The following RAB6A variants were observed in gnomAD, a reference collection of about 807,000 sequenced individuals.
RAB6A encodes RAB6A, member RAS oncogene family, also known as ras-related protein Rab-6A.
RAB6A carries 8 observed loss-of-function variants against 32.3 expected under a neutral mutation model. The observed-to-expected ratio is 0.25, with a 90% CI of 0.15 to 0.45. The LOEUF is 0.45. Ranked by LOEUF, RAB6A falls within the 20% of genes least tolerant of loss-of-function variation. RAB6A has a pLI of 1.00. For synonymous variants in RAB6A, 73 were observed against 82.1 expected (o/e 0.89, Z 0.60); for missense variants, 104 against 249.4 (o/e 0.42, Z 3.93).
At chr11:73,713,520 A>T (rs1023242137) in intron 5 of RAB6A, among the ~76,000 whole-genome samples, 1 of 151,220 alleles carries the variant, frequency 6.6e-6, no homozygotes, top group Non-Finnish European at 1.5e-5. Flanking sequence ...GTGAGCCAAG[A>T]TTGCGCCACT....
At chr11:73,712,706 C>A (rs534245801) in intron 5 of RAB6A, among the ~76,000 whole-genome samples, 1 of 147,592 alleles carries the variant, frequency 6.8e-6, no homozygotes, top group African/African-American at 2.5e-5. Context: ...GCAGCAAGAC[C>A]ACATTGCTTT....
intron 3 of RAB6A, among the ~76,000 whole-genome samples, chr11:73,719,458 G>A (rs529935595): frequency 3.3e-5 from 5 of 152,280 alleles, no homozygotes; most frequent in South Asian, 4.1e-4. Context: ...ACGCATGCAC[G>A]CGTGTGTGTG....
chr11:73,726,581 CAAA>C (rs60281561), intron 2 of RAB6A, among the ~76,000 whole-genome samples: 10 of 29,856 alleles, frequency 3.3e-4, no homozygotes, highest in Admixed American at 6.7e-4. Flanking sequence ...GACTCTGTCT[CAAA>C]AAAAAAAAAA....
chr11:73,742,343 G>GC (rs1946510627), intron 1 of RAB6A, among the ~76,000 whole-genome samples: 1 of 152,124 alleles, frequency 6.6e-6, no homozygotes, highest in Non-Finnish European at 1.5e-5. Flanking sequence ...GGCTATGGCT[G>GC]CCCAGCCTTG....
chr11:73,724,906 C>T (rs1946193847), intron 2 of RAB6A, among the ~76,000 whole-genome samples: 1 of 152,140 alleles, frequency 6.6e-6, no homozygotes, highest in African/African-American at 2.4e-5. Context: ...GATTTGTTCA[C>T]TGCAGTATGC....
chr11:73,687,748 TTGGGAGGATGAG>T (rs1328044206), intron 6 of RAB6A, among the ~76,000 whole-genome samples: 7 of 152,024 alleles, frequency 4.6e-5, no homozygotes, highest in Admixed American at 3.3e-4. Flanking sequence ...TCCCAGCTAC[TTGGGAGGATGAG>T]GCAGGAGAAT....
chr11:73,685,650 G>A (rs1177976481), intron 6 of RAB6A, among the ~76,000 whole-genome samples: 7 of 132,398 alleles, frequency 5.3e-5, no homozygotes, highest in South Asian at 2.4e-4. Flanking sequence ...AGGCCAAGAC[G>A]GGTGGATCAT....
At chr11:73,753,090 A>AT (rs1376379226) in intron 1 of RAB6A, among the ~76,000 whole-genome samples, 2 of 151,896 alleles carry the variant, frequency 1.3e-5, no homozygotes, top group African/African-American at 2.4e-5. Flanking sequence ...TGCTAAAAAA[A>AT]TTTTTTTTAA....
At chr11:73,722,022 TGAA>T (rs1277490962) in intron 2 of RAB6A, among the ~76,000 whole-genome samples, 2 of 151,954 alleles carry the variant, frequency 1.3e-5, no homozygotes, top group East Asian at 1.9e-4. Flanking sequence ...TGCTGCCATG[TGAA>T]GAAGGACATG....
At chr11:73,753,936 G>A (rs1283547968) in intron 1 of RAB6A, among the ~76,000 whole-genome samples, 1 of 152,150 alleles carries the variant, frequency 6.6e-6, no homozygotes, top group African/African-American at 2.4e-5. Context: ...TGACACTGTA[G>A]CAATTTTCAA....
rs1373763102 is a variant in RAB6A, at chr11:73,722,333, ATATATATATATTTTTTTTT to A, written c.130-1453_130-1435del. 6.9e-3 allele frequency: 129 copies of A among 18,568 alleles called. 5 individuals carry two copies. Among genetic ancestry groups the A allele is most frequent in the Non-Finnish European group, 8.4e-3 (87 of 10,374 alleles). The allele number at this position is 18,568 out of a possible 1,614,324, so 1.2% of individuals were successfully genotyped here. ...TATATATATATATATATATATATAT[ATATATATATATTTTTTTTT>A]TTTTTTTTTTTTTTTGAGACAGTCT... On this transcript the variant is annotated intron_variant, in intron 2 of 7. Coordinates refer to ENST00000336083, the MANE Select transcript of RAB6A (RefSeq NM_198896.2).
intron 1 of RAB6A, among the ~76,000 whole-genome samples, chr11:73,732,963 C>T (rs1450513653): frequency 1.3e-5 from 2 of 152,040 alleles, no homozygotes; most frequent in Non-Finnish European, 2.9e-5. Context: ...CAGGCGTGTG[C>T]CACCATGCCT....
At chr11:73,710,801 T>C (rs551324931) in intron 5 of RAB6A, among the ~76,000 whole-genome samples, 2 of 151,788 alleles carry the variant, frequency 1.3e-5, no homozygotes, top group Non-Finnish European at 1.5e-5. Context: ...CACATATAAG[T>C]GCGGTGGCAG....
intron 1 of RAB6A, among the ~76,000 whole-genome samples, chr11:73,744,330 T>G (rs1590886371): frequency 9.5e-6 from 1 of 105,478 alleles, no homozygotes; most frequent in Non-Finnish European, 1.9e-5. Context: ...AAAGGGAGAC[T>G]CCATCTCAAA....
At chr11:73,695,524 C>T (rs572863367) in intron 6 of RAB6A, among the ~76,000 whole-genome samples, 5 of 152,136 alleles carry the variant, frequency 3.3e-5, no homozygotes, top group East Asian at 3.9e-4. Context: ...GGATTACAGG[C>T]GCGTGACACC....
At chr11:73,749,891 T>C (rs1401362434) in intron 1 of RAB6A, among the ~76,000 whole-genome samples, 1 of 152,014 alleles carries the variant, frequency 6.6e-6, no homozygotes, top group African/African-American at 2.4e-5. Flanking sequence ...CAGGGTATGG[T>C]GTCATATGCC....
At chr11:73,751,100 C>A (rs1267543517) in intron 1 of RAB6A, among the ~76,000 whole-genome samples, 1 of 152,046 alleles carries the variant, frequency 6.6e-6, no homozygotes, top group African/African-American at 2.4e-5. Flanking sequence ...TCACCATGCC[C>A]CCCGGCCAAA....
chr11:73,727,459 C>A (rs1156928577), intron 2 of RAB6A, among the ~76,000 whole-genome samples: 1 of 151,192 alleles, frequency 6.6e-6, no homozygotes, highest in Non-Finnish European at 1.5e-5. Flanking sequence ...TTTTTTCCCC[C>A]AAAAAAGAAT....
intron 6 of RAB6A, among the ~76,000 whole-genome samples, chr11:73,705,795 A>AGG (rs1242541134): frequency 6.6e-6 from 1 of 151,498 alleles, no homozygotes; most frequent in Non-Finnish European, 1.5e-5. Flanking sequence ...AGAGAGAGAG[A>AGG]GAGAGAGATT....
Sources: gnomAD v4.1 joint callset for allele counts (sites outside exome capture counted in the v4.1 genomes callset) on GRCh38, gnomAD v4.1.1 for gene constraint, MANE v1.5 for transcripts, NCBI Gene and HGNC (gene_info 2026-07-23, HGNC 2026-07-21) for gene names.